Variants in DCDC2 observed in about 807,000 individuals in gnomAD.
The protein encoded by DCDC2 is doublecortin domain containing 2, also known as doublecortin domain-containing protein 2.
Under a neutral mutation model 50.2 loss-of-function variants are expected in DCDC2, and 40 were observed. The observed-to-expected ratio is 0.80, with a 90% CI of 0.62 to 1.04. The LOEUF is 1.04. DCDC2 is among the 50% of genes least tolerant of loss of function. The pLI is 0.00. For missense variants in DCDC2, 570 were observed against 581.9 expected, an observed-to-expected ratio of 0.98 and a Z score of 0.21; for synonymous variants, 234 against 210.6, an observed-to-expected ratio of 1.11 and a Z score of -0.96.
chr6:24,308,410 G>A (rs1759512401), intron 2 of DCDC2, among the ~76,000 whole-genome samples: 1 of 152,182 alleles, frequency 6.6e-6, no homozygotes, highest in Admixed American at 6.5e-5. Context: ...TATACTATAA[G>A]ATCAGCTCCT....
In DCDC2 at chr6:24,357,997, C is replaced by A; in HGVS notation, c.-247G>T. ...CCGTGGCGTGCACAGCCAATCAGGA[C>A]CCGCAGTGCGCGCACCACACCAGGT... is the stretch of plus-strand genomic sequence containing the variant. On this transcript the variant is annotated 5_prime_UTR_variant, in exon 1 of 10. Coordinates refer to ENST00000378454, the MANE Select transcript of DCDC2 (RefSeq NM_016356.5). 7.3e-7 allele frequency: 1 copy of A among 1,373,032 alleles called. No homozygotes were observed. Among genetic ancestry groups the A allele is most frequent in the Non-Finnish European group, 9.7e-7 (1 of 1,028,312 alleles). The allele number at this position is 1,373,032 out of a possible 1,614,324, so 85.1% of individuals were successfully genotyped here. A position where few individuals can be genotyped will look rare whatever the true frequency, so the allele number is the denominator to read the frequency against.
chr6:24,315,324 A>T (rs1310324736), intron 2 of DCDC2, among the ~76,000 whole-genome samples: 3 of 152,194 alleles, frequency 2.0e-5, no homozygotes, highest in African/African-American at 7.2e-5. Flanking sequence ...GGTTGAGGAC[A>T]TCTGAAGAAC....
intron 7 of DCDC2, among the ~76,000 whole-genome samples, chr6:24,217,591 C>A (rs759046701): frequency 1.6e-4 from 25 of 152,096 alleles, no homozygotes; most frequent in Admixed American, 1.1e-3. Context: ...ATTTTTTTCA[C>A]CTAATCTAAA....
At chr6:24,273,438 GA>G (rs1314319091) in intron 7 of DCDC2, among the ~76,000 whole-genome samples, 7 of 152,004 alleles carry the variant, frequency 4.6e-5, no homozygotes, top group Non-Finnish European at 4.4e-5. Context: ...CACAAATTAA[GA>G]AAAAAAGAAA....
At chr6:24,316,066 A>C (rs1759654629) in intron 2 of DCDC2, among the ~76,000 whole-genome samples, 1 of 152,188 alleles carries the variant, frequency 6.6e-6, no homozygotes, top group Non-Finnish European at 1.5e-5. Flanking sequence ...GATGCTGTCT[A>C]CTGGGACAGA....
At chr6:24,332,800 AAC>A (rs973240334) in intron 2 of DCDC2, among the ~76,000 whole-genome samples, 8 of 152,110 alleles carry the variant, frequency 5.3e-5, no homozygotes, top group Non-Finnish European at 1.0e-4. Flanking sequence ...TAAATACACA[AAC>A]ACACACACAC....
At chr6:24,377,297 T>G in the DCDC2 span, among the ~76,000 whole-genome samples, 1 of 152,214 alleles carries the variant, frequency 6.6e-6, no homozygotes, top group Non-Finnish European at 1.5e-5. Context: ...TTTTTTCAGT[T>G]TCACCTCTGA....
At chr6:24,380,367 G>C in the DCDC2 span, among the ~76,000 whole-genome samples, 1 of 152,096 alleles carries the variant, frequency 6.6e-6, no homozygotes, top group Non-Finnish European at 1.5e-5. Flanking sequence ...ACATATATTA[G>C]TTATGCCCAT....
intron 2 of DCDC2, among the ~76,000 whole-genome samples, chr6:24,313,746 T>C (rs1310152017): frequency 6.6e-6 from 1 of 152,226 alleles, no homozygotes; most frequent in African/African-American, 2.4e-5. Flanking sequence ...AGAAATACTA[T>C]GAAAGCTGTG....
intron 7 of DCDC2, among the ~76,000 whole-genome samples, chr6:24,272,094 C>T (rs1482778340): frequency 1.3e-5 from 2 of 151,882 alleles, no homozygotes; most frequent in Non-Finnish European, 2.9e-5. Flanking sequence ...GAATCCTTTT[C>T]GAAAAAGGGC....
At chr6:24,200,670 G>A (rs746015132) in intron 8 of DCDC2, among the ~76,000 whole-genome samples, 8 of 151,988 alleles carry the variant, frequency 5.3e-5, no homozygotes, top group African/African-American at 1.2e-4. Context: ...AAATGTAAAC[G>A]GGCTAAACGC....
At position 24,217,575 on chromosome 6, in the gene DCDC2, G is replaced by A. The variant is rs561198289; in HGVS notation, c.923-12473C>T. Reference sequence around the variant, plus strand: ...GCAAATCAGTCATCCTGAATAAAGGGATTGGATTTTTTTCACCTAATCTAA... The same window carrying A: ...GCAAATCAGTCATCCTGAATAAAGGAATTGGATTTTTTTCACCTAATCTAA... On this transcript the variant is annotated intron_variant, in intron 7 of 9. Transcript: ENST00000378454. Among the ~76,000 whole-genome samples, 18 of 152,300 alleles carry A rather than the reference G, an allele frequency of 1.2e-4. No individual in the cohort carries two copies. The South Asian group carries it at 1.9e-3, about 16-fold the overall frequency.
intron 7 of DCDC2, among the ~76,000 whole-genome samples, chr6:24,217,653 T>C (rs2799374): frequency 0.012 from 1,758 of 152,342 alleles, 27 homozygotes; most frequent in African/African-American, 0.039. Context: ...TGAGGGTGTT[T>C]TCAATTTAAC....
Position 24,205,082 on chromosome 6 carries a change from CA to C in DCDC2, c.942del (p.Gly315GlufsTer32), listed in dbSNP as rs1554144869. The C allele has an allele frequency of 4.3e-6, 7 of 1,614,012 alleles. No homozygotes were observed. The Admixed American group carries it at 5.0e-5, about 12-fold the overall frequency. On this transcript the variant is annotated frameshift_variant, in exon 8 of 10. Transcript: ENST00000378454. LOFTEE classifies it high-confidence loss of function. ...CCCCGTGTTTCAGACCTCTCTGCTC[CA>C]GCTTTGAAAATGCCTTCATCTATTG... ...IPNSDEGIFK[A>X]GAERSETRGA...
At chr6:24,307,122 C>T (rs188395425) in intron 2 of DCDC2, among the ~76,000 whole-genome samples, 36 of 152,128 alleles carry the variant, frequency 2.4e-4, no homozygotes, top group Non-Finnish European at 4.3e-4. Context: ...CAAAGGGATG[C>T]TCCATGAACT....
upstream of DCDC2, among the ~76,000 whole-genome samples, chr6:24,359,806 G>A (rs1760632474): frequency 6.6e-6 from 1 of 152,034 alleles, no homozygotes; most frequent in Non-Finnish European, 1.5e-5. Context: ...ACAGAGCGAA[G>A]ACTCGCGTGT....
intron 7 of DCDC2, among the ~76,000 whole-genome samples, chr6:24,253,280 ATG>A (rs1216982883): frequency 2.0e-5 from 3 of 152,330 alleles, no homozygotes; most frequent in Admixed American, 6.5e-5. Context: ...TAAAATACTA[ATG>A]TGAGAATAAA....
At chr6:24,359,372 T>C (rs1328072095), upstream of DCDC2, among the ~76,000 whole-genome samples, 2 of 77,414 alleles carry the variant, frequency 2.6e-5, no homozygotes, top group East Asian at 4.4e-4. Flanking sequence ...TTATATATTA[T>C]ATATATTTTA....
chr6:24,330,675 G>T (rs1286346221), intron 2 of DCDC2, among the ~76,000 whole-genome samples: 1 of 152,140 alleles, frequency 6.6e-6, no homozygotes, highest in East Asian at 1.9e-4. Flanking sequence ...CACAGCTCAA[G>T]GGGGACAGAG....
Sources: gnomAD v4.1 joint callset for allele counts (sites outside exome capture counted in the v4.1 genomes callset) on GRCh38, gnomAD v4.1.1 for gene constraint, MANE v1.5 for transcripts, NCBI Gene and HGNC (gene_info 2026-07-23, HGNC 2026-07-21) for gene names.